Variants in CHRNA2 observed in about 807,000 individuals in gnomAD.
CHRNA2 encodes cholinergic receptor nicotinic alpha 2 subunit.
In CHRNA2, 40 loss-of-function variants were observed where a neutral mutation model predicts 45.5. That is an observed-to-expected ratio of 0.88 (90% CI 0.68 to 1.15). The LOEUF is 1.15. Among genes scored for constraint, CHRNA2 ranks in the 50% most tolerant of loss-of-function variants. The probability of loss-of-function intolerance (pLI) is 0.00; values close to 1 mark genes in which losing one functional copy is unlikely to be tolerated. For synonymous variants in CHRNA2, 301 were observed against 296.7 expected (o/e 1.01, Z -0.15); for missense variants, 655 against 701.7 (o/e 0.93, Z 0.75).
intron 5 of CHRNA2, among the ~76,000 whole-genome samples, chr8:27,465,069 G>C (rs1331249724): frequency 6.6e-6 from 1 of 152,208 alleles, no homozygotes; most frequent in Non-Finnish European, 1.5e-5. Context: ...AATGGGCAGA[G>C]AGCCTTCCAG....
At chr8:27,471,965 T>TA (rs1325146997) in intron 1 of CHRNA2, among the ~76,000 whole-genome samples, 1 of 152,020 alleles carries the variant, frequency 6.6e-6, no homozygotes, top group Non-Finnish European at 1.5e-5. Context: ...GGAGAGGAGA[T>TA]AAAGGTTAAG....
At position 27,465,375 on chromosome 8, in the gene CHRNA2, TGGGC is replaced by T. The variant is rs544236696; in HGVS notation, c.450-1386_450-1383del. On this transcript the variant is annotated intron_variant, in intron 5 of 6. Coordinates refer to ENST00000407991, the MANE Select transcript of CHRNA2 (RefSeq NM_000742.4). ...ATGGAGTAGTTCCATGGTAGAGATA[TGGGC>T]AGGCTGGAAATAGGAACTTTGAAAG... Among the ~76,000 whole-genome samples the T allele has an allele frequency of 3.8e-4, 58 of 152,122 alleles. 1 individual carries two copies. The South Asian group carries it at 0.012, about 31-fold the overall frequency.
chr8:27,477,822 G>T (rs1813106785), intron 1 of CHRNA2, among the ~76,000 whole-genome samples: 1 of 152,106 alleles, frequency 6.6e-6, no homozygotes, highest in South Asian at 2.1e-4. Flanking sequence ...ACACAGAGAA[G>T]CCTATGTAAA....
intron 5 of CHRNA2, 131 bp from the exon 6 acceptor site, chr8:27,464,124 G>T (rs1470385139): frequency 4.0e-6 from 4 of 1,009,538 alleles, no homozygotes; most frequent in Middle Eastern, 3.0e-4. Context: ...GTTTATTTAT[G>T]CAAGTGTGTA....
intron 5 of CHRNA2, among the ~76,000 whole-genome samples, chr8:27,465,755 G>T (rs748385011): frequency 6.6e-6 from 1 of 152,104 alleles, no homozygotes; most frequent in African/African-American, 2.4e-5. Context: ...TAAGCATTTT[G>T]TTTATCACAA....
intron 2 of CHRNA2, among the ~76,000 whole-genome samples, chr8:27,470,412 A>G (rs552062919): frequency 1.3e-5 from 2 of 152,334 alleles, no homozygotes; most frequent in East Asian, 1.9e-4. Context: ...CCGATGAACC[A>G]TTAATGCTAA....
At chr8:27,464,077 C>A in intron 5 of CHRNA2, 84 bp from the exon 6 acceptor site, 1 of 1,539,832 alleles carries the variant, frequency 6.5e-7, no homozygotes, top group Non-Finnish European at 8.9e-7. Flanking sequence ...AGCAGGGGAA[C>A]CCGAAGAACC....
chr8:27,471,667 C>T (rs903359569), intron 1 of CHRNA2, among the ~76,000 whole-genome samples: 1 of 152,226 alleles, frequency 6.6e-6, no homozygotes, highest in African/African-American at 2.4e-5. Context: ...GAGGTGCTGA[C>T]GCTTGCTACA....
rs75553500 is a variant in CHRNA2 at position 27,476,543 on chromosome 8, T to C, written c.-137+2281A>G. ...GAAACTGCAGAGCAGGTGAAGTTTT[T>C]TTCTCTGCTCTCCGCAATCATTCAA... On this transcript the variant is annotated intron_variant, in intron 1 of 6. Coordinates refer to ENST00000407991, the MANE Select transcript of CHRNA2 (RefSeq NM_000742.4). 2.9e-3 allele frequency among the ~76,000 whole-genome samples: 446 copies of C among 152,348 alleles called. 2 individuals carry two copies. The highest frequency in any genetic ancestry group is 0.01 in the African/African-American group (433 of 41,582).
chr8:27,468,340 C>A (rs1272175571), intron 4 of CHRNA2, among the ~76,000 whole-genome samples: 3 of 152,186 alleles, frequency 2.0e-5, no homozygotes, highest in African/African-American at 7.2e-5. Flanking sequence ...TCCCTCTGGC[C>A]CTCAGCTGTC....
At chr8:27,464,105 A>G in intron 5 of CHRNA2, 112 bp from the exon 6 acceptor site, 1 of 1,224,626 alleles carries the variant, frequency 8.2e-7, no homozygotes, top group South Asian at 1.3e-5. Flanking sequence ...ACCCGGCCAC[A>G]CTGGCGGGGT....
intron 1 of CHRNA2, among the ~76,000 whole-genome samples, chr8:27,477,915 C>G (rs999527082): frequency 6.6e-6 from 1 of 152,066 alleles, no homozygotes; most frequent in Non-Finnish European, 1.5e-5. Flanking sequence ...TTCCAGGCCA[C>G]CCCCACCCCA....
At chr8:27,467,113 A>T in intron 5 of CHRNA2, 116 bp downstream of exon 5, 1 of 745,686 alleles carries the variant, frequency 1.3e-6, no homozygotes, top group Non-Finnish European at 2.4e-6. Flanking sequence ...TGCTCAGCAC[A>T]GCAGTCGAGA....
chr8:27,474,364 AT>A (rs910220196), intron 1 of CHRNA2, among the ~76,000 whole-genome samples: 2 of 152,058 alleles, frequency 1.3e-5, no homozygotes, highest in African/African-American at 4.8e-5. Flanking sequence ...AGAGGATTAC[AT>A]TTTTCTTCTG....
intron 1 of CHRNA2, 144 bp downstream of exon 1, chr8:27,478,680 T>C (rs1433352124): frequency 6.6e-6 from 1 of 152,046 alleles, no homozygotes; most frequent in East Asian, 1.9e-4. Context: ...GAGACTAAAA[T>C]ATTTCTAGGA....
rs796052297 is a variant in CHRNA2 at position 27,467,246 on chromosome 8, G to T, written c.432C>A (p.Asp144Glu). 3 of 1,613,316 alleles carry T rather than the reference G, an allele frequency of 1.9e-6. No homozygotes were observed. In the African/African-American group the frequency reaches 4.0e-5, roughly 22 times the overall value. Residue 144 changes from aspartate to glutamate, a missense_variant, in exon 5 of 7, where the codon GAC becomes GAA. This residue lies in a region of CHRNA2 where 323 missense variants were observed against 354.4 expected (regional missense o/e 0.91). Transcript: ENST00000407991. ...RVPSEMIWIPDIVLYNNADGE... is the reference protein window; with the variant it reads ...RVPSEMIWIPEIVLYNNADGE... ...CTTCCTACTTGTTGTAGAGAACAAT[G>T]TCGGGGATCCAGATCATCTCAGAAG... is the stretch of plus-strand genomic sequence containing the variant.
chr8:27,472,320 T>C (rs1325568528), intron 1 of CHRNA2, among the ~76,000 whole-genome samples: 1 of 152,202 alleles, frequency 6.6e-6, no homozygotes, highest in Non-Finnish European at 1.5e-5. Flanking sequence ...CTAGGACTTG[T>C]GATCGGCATT....
Position 27,463,636 on chromosome 8 carries a change from G to T in CHRNA2, c.807C>A (p.Thr269=). Residue 269 remains threonine, a synonymous_variant, in exon 6 of 7, where the codon ACC becomes ACA. Coordinates refer to ENST00000407991, the MANE Select transcript of CHRNA2 (RefSeq NM_000742.4). The surrounding 1 kb of genome is among the most constrained non-coding windows in gnomAD (Gnocchi z 6.1). ...FVIRRLPLFY[T]INLIIPCLLI... ...GCAGGCAGGGGATGATGAGGTTGAT[G>T]GTGTAGAAGAGCGGCAGCCGCCGGA... The T allele has an allele frequency of 6.2e-7, 1 of 1,614,192 alleles. No individual in the cohort carries two copies. Among genetic ancestry groups the T allele is most frequent in the South Asian group, 1.1e-5 (1 of 91,084 alleles).
intron 1 of CHRNA2, 106 bp from the exon 2 acceptor site, chr8:27,471,300 A>G (rs1039353056): frequency 2.1e-6 from 1 of 471,706 alleles, no homozygotes; most frequent in Non-Finnish European, 3.9e-6. Flanking sequence ...AAAGGCCCTC[A>G]GCAGGCCTCT....
Sources: allele counts gnomAD v4.1 joint callset (sites outside exome capture counted in the v4.1 genomes callset), GRCh38; gene constraint gnomAD v4.1.1; regional missense constraint gnomAD v4.1.1; non-coding constraint Gnocchi (gnomAD v3.1); transcripts MANE v1.5; gene names NCBI Gene and HGNC (gene_info 2026-07-23, HGNC 2026-07-21).